The following DOCK10 variants were observed in gnomAD, a reference collection of about 807,000 sequenced individuals.
DOCK10 encodes dedicator of cytokinesis protein 10.
Under a neutral mutation model 280.1 loss-of-function variants are expected in DOCK10, and 145 were observed. That is an observed-to-expected ratio of 0.52 (90% CI 0.45 to 0.59). DOCK10 has a LOEUF of 0.59. Ranked by LOEUF, DOCK10 falls within the 20% of genes least tolerant of loss-of-function variation. The pLI, the probability that DOCK10 is intolerant of heterozygous loss-of-function variation, is 0.00. For synonymous variants in DOCK10, 915 were observed against 942.2 expected, an observed-to-expected ratio of 0.97 and a Z score of 0.53; for missense variants, 2,368 against 2,651.7, an observed-to-expected ratio of 0.89 and a Z score of 2.35.
Position 224,773,192 on chromosome 2 carries a change from G to T in DOCK10, c.6169C>A (p.Leu2057Met). ...CTMEEVDMIR[L>M]QLKLQGSVSV... ...ACACTTCCTTGCAGTTTGAGCTGCAGTCTGATCATGTCCACTTCTTCCATT... is the reference window on the plus strand; with the variant it reads ...ACACTTCCTTGCAGTTTGAGCTGCATTCTGATCATGTCCACTTCTTCCATT... The change falls in exon 53 of 56, where the codon CTG becomes ATG. Residue 2057 changes from leucine (L) to methionine (M), a missense_variant. Physicochemically the swap from Leu to Met is conservative, Grantham distance 15. Transcript: ENST00000258390. The T allele has an allele frequency of 6.2e-7, 1 of 1,613,786 alleles. No individual in the cohort carries two copies.
In DOCK10 at chr2:224,998,368, T is replaced by C. The variant is rs1288973551; in HGVS notation, c.123+43884A>G. On this transcript the variant is annotated intron_variant, in intron 1 of 55. Coordinates refer to ENST00000258390, the MANE Select transcript of DOCK10 (RefSeq NM_014689.3). ...ATGATTCAGGAGCATCGGGGTTTTC[T>C]TGGCTCAACACCTTGGTATTATTTG... is the stretch of plus-strand genomic sequence containing the variant. Among the ~76,000 whole-genome samples the C allele has an allele frequency of 4.6e-5, 7 of 152,224 alleles. No individual in the cohort carries two copies. The East Asian group carries it at 1.2e-3, about 25-fold the overall frequency.
In DOCK10 at chr2:224,796,987, A is replaced by G. The variant is rs201933376; in HGVS notation, c.4804T>C (p.Ser1602Pro). The G allele has an allele frequency of 2.2e-4, 358 of 1,613,100 alleles. 4 individuals carry two copies. In the South Asian group the frequency reaches 3.2e-3, roughly 14 times the overall value. The stretch of plus-strand genomic sequence containing the variant: ...ACTTGTAAGTGGGACCGGACAATTG[A>G]CTTCTGCTTGTTAAATTCAAAATTC... ...RKNFEFNKQKSIVRSHLQLIK... is the reference protein window; with the variant it reads ...RKNFEFNKQKPIVRSHLQLIK... The change falls in exon 43 of 56, where the codon TCA becomes CCA. Residue 1602 changes from serine to proline, a missense_variant. This residue lies in a region of DOCK10 where 1,159 missense variants were observed against 1,400.8 expected (regional missense o/e 0.83). Transcript: ENST00000258390.
chr2:224,864,629 G>C lies in DOCK10; in HGVS notation c.1526C>G (p.Ala509Gly). Residue 509 changes from alanine to glycine, a missense_variant, in exon 13 of 56, where the codon GCC becomes GGC. Around this residue, in one of 2 missense-constraint regions of DOCK10, gnomAD observed 1,209 missense variants for 1,250.9 expected, o/e 0.97. Coordinates refer to ENST00000258390, the MANE Select transcript of DOCK10 (RefSeq NM_014689.3). ...TCCCATCAAGACTTTTTCGATTTTG[G>C]CCACCAAAACAATTTCAGAATGTGG... is the stretch of plus-strand genomic sequence containing the variant. ...SNPHSEIVLV[A>G]KIEKVLMGNI... 1 of 1,613,172 alleles carries C rather than the reference G, an allele frequency of 6.2e-7. No individual in the cohort carries two copies. Among genetic ancestry groups the C allele is most frequent in the South Asian group, 1.1e-5 (1 of 90,860 alleles).
Position 224,819,529 on chromosome 2 carries a change from G to A in DOCK10, c.3184C>T (p.Arg1062Cys), listed in dbSNP as rs193150679. ...CCTCGGTCCATAAATGTAAAGCAGC[G>A]CTAAAATAGATAAAATTCTAAATTT... ...ANHSVARFLK[R>C]CFTFMDRGYV... Residue 1062 changes from arginine (R) to cysteine (C), a missense_variant and splice_region_variant, in exon 29 of 56, where the codon CGC becomes TGC. By Grantham distance (180) the Arg-to-Cys change is radical (BLOSUM62 -3). This residue lies in a region of DOCK10 where 1,159 missense variants were observed against 1,400.8 expected (regional missense o/e 0.83). Coordinates refer to ENST00000258390, the MANE Select transcript of DOCK10 (RefSeq NM_014689.3). 30 of 1,575,730 alleles carry A rather than the reference G, an allele frequency of 1.9e-5. No homozygotes were observed. Among genetic ancestry groups the A allele is most frequent in the Admixed American group, 7.6e-5 (4 of 52,864 alleles).
At chr2:224,780,121 C>T (rs1040568983) in intron 50 of DOCK10, among the ~76,000 whole-genome samples, 2 of 152,136 alleles carry the variant, frequency 1.3e-5, no homozygotes, top group East Asian at 3.8e-4. Context: ...ACAATTTCTT[C>T]GAGAAATGTT....
chr2:224,860,951 T>C (rs1054288628), intron 14 of DOCK10: 2 of 152,168 alleles, frequency 1.3e-5, no homozygotes, highest in African/African-American at 4.8e-5. Flanking sequence ...CAGAGCAATG[T>C]TGGATCCTTA....
At chr2:224,893,596 ATT>A (rs914225886) in intron 4 of DOCK10, 2 of 428,432 alleles carry the variant, frequency 4.7e-6, no homozygotes, top group Non-Finnish European at 9.3e-6. Flanking sequence ...AAAGGCTTAC[ATT>A]TTCCATTCTA....
intron 1 of DOCK10, among the ~76,000 whole-genome samples, chr2:224,998,604 C>G (rs548430159): frequency 6.6e-6 from 1 of 152,284 alleles, no homozygotes; most frequent in East Asian, 1.9e-4. Context: ...AACTCCCCCA[C>G]AACACACACA....
At chr2:224,862,037 G>A (rs1317623960) in intron 14 of DOCK10, 1 of 152,242 alleles carries the variant, frequency 6.6e-6, no homozygotes, top group Non-Finnish European at 1.5e-5. Context: ...AATCATAATT[G>A]ATGATTAAAC....
chr2:224,995,325 G>A (rs1706241687), intron 1 of DOCK10, among the ~76,000 whole-genome samples: 1 of 152,184 alleles, frequency 6.6e-6, no homozygotes, highest in African/African-American at 2.4e-5. Flanking sequence ...AGAGGTTGTT[G>A]GAGTCCGCCT....
intron 22 of DOCK10, among the ~76,000 whole-genome samples, 200 bp from the exon 23 acceptor site, chr2:224,842,096 C>T (rs956216221): frequency 2.0e-5 from 3 of 152,196 alleles, no homozygotes; most frequent in Non-Finnish European, 1.5e-5. Context: ...ACAAAGCCCA[C>T]TCTCTCTTCT....
intron 1 of DOCK10, among the ~76,000 whole-genome samples, chr2:224,954,452 T>C (rs1046269895): frequency 6.6e-6 from 1 of 152,316 alleles, no homozygotes; most frequent in Non-Finnish European, 1.5e-5. Context: ...TCACCCTTTT[T>C]GAAGTTTTTG....
chr2:224,992,149 GT>G (rs1706144133), intron 1 of DOCK10, among the ~76,000 whole-genome samples: 1 of 152,058 alleles, frequency 6.6e-6, no homozygotes, highest in African/African-American at 2.4e-5. Context: ...AGTTAGCTAT[GT>G]GAAAAATATT....
chr2:224,852,260 A>T, intron 18 of DOCK10, 117 bp downstream of exon 18: 2 of 730,858 alleles, frequency 2.7e-6, no homozygotes, highest in Non-Finnish European at 4.7e-6. Flanking sequence ...TCTAAAACAA[A>T]TGTATTAAAT....
intron 2 of DOCK10, among the ~76,000 whole-genome samples, chr2:224,918,602 C>T (rs200332388): frequency 0.26 from 34,376 of 132,874 alleles, 4,309 homozygotes; most frequent in Middle Eastern, 0.34. Flanking sequence ...GTGTGTGGTG[C>T]GTGTGTATGT....
At chr2:224,833,120 A>G (rs1695342908) in intron 26 of DOCK10, among the ~76,000 whole-genome samples, 1 of 152,120 alleles carries the variant, frequency 6.6e-6, no homozygotes, top group East Asian at 1.9e-4. Flanking sequence ...TGTGGTCTCC[A>G]TTTTTATCCC....
At position 224,796,325 on chromosome 2, in the gene DOCK10, C is replaced by T; in HGVS notation, c.4929G>A (p.Lys1643=). The T allele has an allele frequency of 1.3e-6, 2 of 1,557,126 alleles. No individual in the cohort carries two copies. Among genetic ancestry groups the T allele is most frequent in the South Asian group, 1.2e-5 (1 of 84,502 alleles). Residue 1643 remains lysine, a synonymous_variant, in exon 44 of 56, where the codon AAG becomes AAA. Coordinates refer to ENST00000258390, the MANE Select transcript of DOCK10 (RefSeq NM_014689.3). ...AITNNFANGD[K]QMKNSNFPAE... The stretch of plus-strand genomic sequence containing the variant: ...ACAAAGCATTTCTTACTTTCATTTG[C>T]TTATCTCCATTGGCGAAATTATTGG...
At chr2:224,806,507 T>C (rs890076905) in intron 33 of DOCK10, among the ~76,000 whole-genome samples, 2 of 152,208 alleles carry the variant, frequency 1.3e-5, no homozygotes, top group East Asian at 3.9e-4. Flanking sequence ...GGATTGGTTA[T>C]TGATATATTC....
chr2:224,797,357 C>G (rs980843977), intron 42 of DOCK10, among the ~76,000 whole-genome samples: 2 of 151,188 alleles, frequency 1.3e-5, no homozygotes, highest in Non-Finnish European at 2.9e-5. Flanking sequence ...TTATTCTCTA[C>G]ATTGTATAAG....
Sources: allele counts gnomAD v4.1 joint callset (sites outside exome capture counted in the v4.1 genomes callset), GRCh38; gene constraint gnomAD v4.1.1; regional missense constraint gnomAD v4.1.1; transcripts MANE v1.5; gene names NCBI Gene and HGNC (gene_info 2026-07-23, HGNC 2026-07-21).